MYT1L: variants seen among roughly 807,000 people sequenced by gnomAD.
The protein encoded by MYT1L is myelin transcription factor 1-like protein.
A neutral mutation model predicts 126.7 loss-of-function variants in MYT1L; 12 were observed. The ratio of observed to expected loss-of-function variants is 0.09; its 90% CI spans 0.06 to 0.15. The LOEUF is 0.15. MYT1L is among the 10% of genes least tolerant of loss of function. The pLI, the probability that MYT1L is intolerant of heterozygous loss-of-function variation, is 1.00. For synonymous variants in MYT1L, 541 were observed against 604.2 expected (o/e 0.90, Z 1.53); for missense variants, 979 against 1,585.2 (o/e 0.62, Z 6.49).
intron 2 of MYT1L, among the ~76,000 whole-genome samples, chr2:2,203,832 G>A (rs1485561478): frequency 6.6e-6 from 1 of 152,122 alleles, no homozygotes; most frequent in Non-Finnish European, 1.5e-5. Context: ...AACAAAGCTG[G>A]AGGCATCACA....
At chr2:2,122,865 G>GTC (rs1376716092) in intron 3 of MYT1L, among the ~76,000 whole-genome samples, 3 of 148,628 alleles carry the variant, frequency 2.0e-5, no homozygotes, top group African/African-American at 7.7e-5. Flanking sequence ...GTGTGTGTGT[G>GTC]TGTGTGTGAG....
In MYT1L at chr2:2,126,721, T is replaced by C. The variant is rs745797735; in HGVS notation, c.-304+46151A>G. On this transcript the variant is annotated intron_variant, in intron 3 of 24. Coordinates refer to ENST00000647738, the MANE Select transcript of MYT1L (RefSeq NM_001303052.2). ...GCATGGTCATCTGGGAGGCAAGGGC[T>C]GGGCCTGCTGCCACAGAAGTGCCCC... Among the ~76,000 whole-genome samples the C allele has an allele frequency of 6.5e-4, 99 of 152,366 alleles. 1 individual carries two copies. The highest frequency in any genetic ancestry group is 2.6e-4 in the Non-Finnish European group (18 of 68,032).
At chr2:2,071,965 G>A (rs2074656870) in intron 3 of MYT1L, among the ~76,000 whole-genome samples, 1 of 152,170 alleles carries the variant, frequency 6.6e-6, no homozygotes, top group South Asian at 2.1e-4. Flanking sequence ...AGATAAATCT[G>A]GAACATCCAG....
intron 3 of MYT1L, among the ~76,000 whole-genome samples, chr2:2,113,403 C>T (rs750286213): frequency 1.3e-5 from 2 of 152,174 alleles, no homozygotes; most frequent in Non-Finnish European, 2.9e-5. Context: ...GACAGGCACG[C>T]GCTCCGTCCA....
chr2:1,942,843 T>C, intron 9 of MYT1L, 139 bp downstream of exon 9: 2 of 1,114,038 alleles, frequency 1.8e-6, no homozygotes, highest in Non-Finnish European at 2.5e-6. Context: ...TCAGTTCATA[T>C]AAGAGGTTAA....
intron 3 of MYT1L, among the ~76,000 whole-genome samples, chr2:2,163,588 G>A (rs573784353): frequency 1.3e-4 from 19 of 151,500 alleles, no homozygotes; most frequent in East Asian, 3.9e-4. Context: ...AAAAATTAGC[G>A]GGGTGCGGTG....
At position 1,806,689 on chromosome 2, in the gene MYT1L, G is replaced by A. The variant is rs946983779; in HGVS notation, c.3172+2387C>T. On this transcript the variant is annotated intron_variant, in intron 22 of 24. Transcript: ENST00000647738. This position sits in a 1 kb window ranked among gnomAD's most constrained non-coding sequence, Gnocchi z 4.9. ...CCACCTCAGGGATCTGCCCACCGCC[G>A]CCCAGGTGGACCAGCCCAGGTGTGA... Among the ~76,000 whole-genome samples, 4 of 152,082 alleles carry A rather than the reference G, an allele frequency of 2.6e-5. No homozygotes were observed. Among genetic ancestry groups the A allele is most frequent in the Non-Finnish European group, 4.4e-5 (3 of 68,014 alleles).
At chr2:2,106,814 A>G (rs1456737329) in intron 3 of MYT1L, among the ~76,000 whole-genome samples, 1 of 152,174 alleles carries the variant, frequency 6.6e-6, no homozygotes, top group African/African-American at 2.4e-5. Context: ...CAAATTCAGT[A>G]TGTCCAAGGT....
chr2:2,315,182 AC>A (rs2096045026), intron 1 of MYT1L, among the ~76,000 whole-genome samples: 3 of 152,078 alleles, frequency 2.0e-5, no homozygotes, highest in Non-Finnish European at 4.4e-5. Flanking sequence ...TGATATTATA[AC>A]CTTTTCTCTG....
chr2:2,300,152 TAAG>T (rs1317765423), intron 1 of MYT1L, among the ~76,000 whole-genome samples: 1 of 152,224 alleles, frequency 6.6e-6, no homozygotes, highest in Non-Finnish European at 1.5e-5. Flanking sequence ...TGATGACTTA[TAAG>T]TTACTGGAAG....
intron 21 of MYT1L, among the ~76,000 whole-genome samples, chr2:1,826,252 C>A (rs1339803337): frequency 6.6e-6 from 1 of 152,234 alleles, no homozygotes; most frequent in Non-Finnish European, 1.5e-5. Flanking sequence ...AGAAGACCGG[C>A]ACGGTGCTCG....
intron 3 of MYT1L, among the ~76,000 whole-genome samples, chr2:2,058,815 A>G (rs966468340): frequency 5.9e-5 from 9 of 152,176 alleles, no homozygotes; most frequent in African/African-American, 1.9e-4. Flanking sequence ...CTCTTACTTC[A>G]GAGATGAGCC....
At chr2:1,978,215 C>G (rs750694333) in intron 8 of MYT1L, among the ~76,000 whole-genome samples, 1 of 152,158 alleles carries the variant, frequency 6.6e-6, no homozygotes, top group Non-Finnish European at 1.5e-5. Flanking sequence ...AATGCAAGGC[C>G]GTGAGGAGAG....
intron 3 of MYT1L, among the ~76,000 whole-genome samples, chr2:2,145,771 TTAATA>T (rs1377055972): frequency 1.3e-5 from 2 of 152,160 alleles, no homozygotes; most frequent in African/African-American, 4.8e-5. Context: ...TGTATAGAGT[TTAATA>T]TAATGTTTTG....
intron 8 of MYT1L, among the ~76,000 whole-genome samples, chr2:1,965,674 C>T (rs775527044): frequency 1.3e-5 from 2 of 152,214 alleles, no homozygotes; most frequent in African/African-American, 4.8e-5. Context: ...GGCATCATAG[C>T]TGGTGACTGG....
chr2:2,164,007 C>G (rs2088538862), intron 3 of MYT1L, among the ~76,000 whole-genome samples: 1 of 151,992 alleles, frequency 6.6e-6, no homozygotes, highest in Non-Finnish European at 1.5e-5. Flanking sequence ...AATATCATCC[C>G]CTACAGCAAT....
chr2:1,901,020 T>G (rs2050274017), intron 14 of MYT1L, among the ~76,000 whole-genome samples: 1 of 152,202 alleles, frequency 6.6e-6, no homozygotes, highest in East Asian at 1.9e-4. Flanking sequence ...CAGAGGACAC[T>G]CTTGCTTCCT....
intron 4 of MYT1L, among the ~76,000 whole-genome samples, chr2:2,019,702 C>A (rs1437340924): frequency 6.6e-6 from 1 of 152,204 alleles, no homozygotes; most frequent in East Asian, 1.9e-4. Context: ...TGCACACATG[C>A]AACCTCACAC....
chr2:1,842,872 C>CGCTTCCAGGCGCTTCT (rs2041954428), intron 19 of MYT1L: 3 of 136,724 alleles, frequency 2.2e-5, no homozygotes, highest in Admixed American at 1.6e-4. Context: ...GTCCAGCTTC[C>CGCTTCCAGGCGCTTCT]GCTTCCAGGC....
Sources: gnomAD v4.1 joint callset for allele counts (sites outside exome capture counted in the v4.1 genomes callset) on GRCh38, gnomAD v4.1.1 for gene constraint, Gnocchi (gnomAD v3.1) non-coding constraint, MANE v1.5 for transcripts, NCBI Gene and HGNC (gene_info 2026-07-23, HGNC 2026-07-21) for gene names.